Variants in CLASRP observed in about 807,000 individuals in gnomAD.
CLASRP encodes the protein CLK4 associating serine/arginine rich protein.
In CLASRP, 52 loss-of-function variants were observed where a neutral mutation model predicts 99.9. That is an observed-to-expected ratio of 0.52 (90% CI 0.42 to 0.66). The LOEUF (loss-of-function observed/expected upper bound fraction) is 0.66. CLASRP is among the 30% of genes least tolerant of loss of function. The probability of loss-of-function intolerance (pLI) is 0.00; values close to 1 mark genes in which losing one functional copy is unlikely to be tolerated. For missense variants in CLASRP, 848 were observed against 999.2 expected (o/e 0.85, Z 2.04); for synonymous variants, 379 against 373.0 (o/e 1.02, Z -0.18).
At chr19:45,070,479 A>G in intron 19 of CLASRP, 58 bp from the exon 20 acceptor site, 1 of 1,554,734 alleles carries the variant, frequency 6.4e-7, no homozygotes, top group Admixed American at 1.7e-5. Context: ...CCCCAGGTCA[A>G]GGAAGAGGCC....
intron 7 of CLASRP, 144 bp from the exon 8 acceptor site, chr19:45,059,124 G>T: frequency 1.4e-6 from 1 of 700,294 alleles, no homozygotes. Context: ...GGCATGCCAA[G>T]ATGAGCCAGA....
chr19:45,053,232 G>T, intron 5 of CLASRP, 55 bp downstream of exon 5: 2 of 1,570,016 alleles, frequency 1.3e-6, no homozygotes, highest in Non-Finnish European at 8.8e-7. Context: ...GAGCCTGGAA[G>T]ACCTAGATAG....
intron 2 of CLASRP, among the ~76,000 whole-genome samples, chr19:45,041,245 G>A (rs1242110404): frequency 1.4e-5 from 2 of 144,448 alleles, no homozygotes; most frequent in African/African-American, 2.6e-5. Flanking sequence ...AAAAAAAAAA[G>A]ACTGTCTCAA....
intron 2 of CLASRP, among the ~76,000 whole-genome samples, chr19:45,050,597 T>C (rs1320098807): frequency 3.9e-5 from 6 of 152,068 alleles, no homozygotes; most frequent in Non-Finnish European, 7.4e-5. Flanking sequence ...GGCAGGAGAA[T>C]CGCTTGAACC....
intron 2 of CLASRP, among the ~76,000 whole-genome samples, chr19:45,047,237 C>G (rs1030556102): frequency 6.6e-6 from 1 of 151,460 alleles, no homozygotes; most frequent in African/African-American, 2.4e-5. Flanking sequence ...ATCGATGAGC[C>G]CTGAAGATGT....
intron 13 of CLASRP, among the ~76,000 whole-genome samples, chr19:45,066,833 A>G (rs1307988563): frequency 6.6e-6 from 1 of 151,830 alleles, no homozygotes; most frequent in African/African-American, 2.4e-5. Flanking sequence ...CAGGGAGAGG[A>G]TGGGGTTCCG....
intron 13 of CLASRP, among the ~76,000 whole-genome samples, chr19:45,065,231 GA>G (rs1266764414): frequency 6.6e-6 from 1 of 150,516 alleles, no homozygotes; most frequent in African/African-American, 2.4e-5. Flanking sequence ...CGTCTCTACT[GA>G]AAAAAAAATT....
chr19:45,054,599 G>A (rs1321435976), intron 5 of CLASRP, among the ~76,000 whole-genome samples: 1 of 152,172 alleles, frequency 6.6e-6, no homozygotes, highest in African/African-American at 2.4e-5. Context: ...CCTGTCCAAG[G>A]AGCTGGGATT....
intron 5 of CLASRP, among the ~76,000 whole-genome samples, chr19:45,056,240 T>A (rs1470285111): frequency 6.6e-6 from 1 of 152,208 alleles, no homozygotes; most frequent in Non-Finnish European, 1.5e-5. Context: ...ACAGATGTGT[T>A]AAGTCCCTTG....
rs778009726 is a variant in CLASRP, at chr19:45,064,326, C to T, written c.1122-17C>T. 9 of 1,518,760 alleles carry T rather than the reference C, an allele frequency of 5.9e-6. No individual in the cohort carries two copies. In the East Asian group the frequency reaches 7.4e-5, roughly 12 times the overall value. The allele number at this position is 1,518,760 out of a possible 1,614,324, so 94.1% of individuals were successfully genotyped here. A position where few individuals can be genotyped will look rare whatever the true frequency, so the allele number is the denominator to read the frequency against. On this transcript the variant is annotated splice_polypyrimidine_tract_variant and intron_variant, in intron 12 of 20. Transcript: ENST00000221455. ...GCTCAGGCCTGCGCTGACCGGCCCT[C>T]CGTGCCCCGCCTGCAGCCGCCGCTC...
Position 45,040,175 on chromosome 19 carries a change from A to G in CLASRP, c.-29-9A>G, listed in dbSNP as rs1394044584. 1.1e-5 allele frequency: 16 copies of G among 1,506,888 alleles called. No individual in the cohort carries two copies. Among genetic ancestry groups the G allele is most frequent in the Non-Finnish European group, 1.5e-5 (16 of 1,097,656 alleles). 93.3% of individuals were successfully genotyped at this position (1,506,888 alleles called of 1,614,324 possible). A position where few individuals can be genotyped will look rare whatever the true frequency, so the allele number is the denominator to read the frequency against. On this transcript the variant is annotated splice_polypyrimidine_tract_variant and intron_variant, in intron 1 of 20. Transcript: ENST00000221455. Reference sequence around the variant, plus strand: ...ACCATCTGACTTTCCTGGTCCCTTCATCCCTCAGGTTGAGGCCCCAGGCTT... The same window carrying G: ...ACCATCTGACTTTCCTGGTCCCTTCGTCCCTCAGGTTGAGGCCCCAGGCTT...
chr19:45,059,745 C>T (rs1460020940), intron 8 of CLASRP, among the ~76,000 whole-genome samples: 1 of 152,188 alleles, frequency 6.6e-6, no homozygotes, highest in Non-Finnish European at 1.5e-5. Context: ...CTCACAAGAC[C>T]ACACAGAATG....
At chr19:45,062,054 G>T (rs1382704189) in intron 10 of CLASRP, 100 bp from the exon 11 acceptor site, 2 of 800,434 alleles carry the variant, frequency 2.5e-6, no homozygotes, top group Non-Finnish European at 4.4e-6. Context: ...ACTGTGCCAG[G>T]TACCTAGCTT....
rs761086703 is a variant in CLASRP, at chr19:45,057,762, G to T, written c.477G>T (p.Lys159Asn). 1.2e-6 allele frequency: 2 copies of T among 1,614,036 alleles called. No individual in the cohort carries two copies. The highest frequency in any genetic ancestry group is 8.5e-7 in the Non-Finnish European group (1 of 1,179,928). ...SEDEKKKLAE[K>N]KASIGYTYED... The stretch of plus-strand genomic sequence containing the variant: ...TCCCCTTTCTCAGGCTGGCAGAGAA[G>T]AAGGCTTCCATCGGTTATACCTACG... The change falls in exon 7 of 21, where the codon AAG (lysine) becomes AAT (asparagine). Residue 159 changes from lysine to asparagine, a missense_variant. Lys to Asn is a moderately conservative substitution (Grantham distance 94). Around this residue, in one of 8 missense-constraint regions of CLASRP, gnomAD observed 119 missense variants for 170.2 expected, o/e 0.70. Transcript: ENST00000221455.
rs1237420496 is a variant in CLASRP, at chr19:45,060,131, C to G, written c.711-258C>G. On this transcript the variant is annotated intron_variant, in intron 8 of 20. Transcript: ENST00000221455. The surrounding 1 kb of genome is among the most constrained non-coding windows in gnomAD (Gnocchi z 4.6). ...TCTAATGGACCACACATTTTATTCC[C>G]TTGCTCATTATCTTCTCCCCTAGAA... Among the ~76,000 whole-genome samples, 2 of 152,160 alleles carry G rather than the reference C, an allele frequency of 1.3e-5. No individual in the cohort carries two copies. Among genetic ancestry groups the G allele is most frequent in the Non-Finnish European group, 2.9e-5 (2 of 68,038 alleles).
intron 2 of CLASRP, among the ~76,000 whole-genome samples, chr19:45,042,080 C>T (rs1338444549): frequency 6.6e-6 from 1 of 152,184 alleles, no homozygotes; most frequent in East Asian, 1.9e-4. Context: ...TGGTGGCTCA[C>T]GCCTGTAATC....
Position 45,060,520 on chromosome 19 carries a change from C to A in CLASRP, c.790-34C>A. The A allele has an allele frequency of 6.2e-7, 1 of 1,612,652 alleles. No individual in the cohort carries two copies. Among genetic ancestry groups the A allele is most frequent in the Non-Finnish European group, 8.5e-7 (1 of 1,178,806 alleles). On this transcript the variant is annotated intron_variant, in intron 9 of 20. Coordinates refer to ENST00000221455, the MANE Select transcript of CLASRP (RefSeq NM_007056.3). The surrounding 1 kb of genome is among the most constrained non-coding windows in gnomAD (Gnocchi z 4.6). The stretch of plus-strand genomic sequence containing the variant: ...ACAGGGGTGTGTCACAGGGAGGGCA[C>A]CCCCTCACCAACCTGGCACCCACCC...
chr19:45,063,845 G>A (rs1167800356), intron 11 of CLASRP, among the ~76,000 whole-genome samples, 167 bp from the exon 12 acceptor site: 1 of 152,172 alleles, frequency 6.6e-6, no homozygotes. Flanking sequence ...TGTGAGTCAA[G>A]TCCTTGTCCA....
chr19:45,061,502 TCTGTC>T (rs1415741170), intron 10 of CLASRP, among the ~76,000 whole-genome samples: 2 of 152,028 alleles, frequency 1.3e-5, no homozygotes, highest in Non-Finnish European at 2.9e-5. Context: ...AGGGTCTTAT[TCTGTC>T]ACCCAGGCTG....
Sources: gnomAD v4.1 joint callset for allele counts (sites outside exome capture counted in the v4.1 genomes callset) on GRCh38, gnomAD v4.1.1 for gene constraint, gnomAD v4.1.1 regional missense constraint, Gnocchi (gnomAD v3.1) non-coding constraint, MANE v1.5 for transcripts, NCBI Gene and HGNC (gene_info 2026-07-23, HGNC 2026-07-21) for gene names.